Variants in PTPRJ observed in about 807,000 individuals in gnomAD.
PTPRJ encodes receptor-type tyrosine-protein phosphatase eta.
PTPRJ carries 129 observed loss-of-function variants against 141.3 expected under a neutral mutation model. That is an observed-to-expected ratio of 0.91 (90% confidence interval 0.79 to 1.06). PTPRJ has a LOEUF of 1.06. Among genes scored for constraint, PTPRJ ranks in the 50% least tolerant of loss-of-function variants. The pLI, the probability that PTPRJ is intolerant of heterozygous loss-of-function variation, is 0.00. For synonymous variants in PTPRJ, 610 were observed against 640.5 expected, an observed-to-expected ratio of 0.95 and a Z score of 0.72; for missense variants, 1,601 against 1,679.7, an observed-to-expected ratio of 0.95 and a Z score of 0.82.
chr11:48,131,466 A>G, intron 8 of PTPRJ: 1 of 769,616 alleles, frequency 1.3e-6, no homozygotes. Context: ...CCAACTTGCC[A>G]ATTAATTATG....
chr11:48,024,680 A>C (rs1853757688), intron 1 of PTPRJ, among the ~76,000 whole-genome samples: 2 of 152,232 alleles, frequency 1.3e-5, no homozygotes, highest in South Asian at 2.1e-4. Flanking sequence ...CTGCTGCCTC[A>C]TTGACTAGCT....
intron 7 of PTPRJ, among the ~76,000 whole-genome samples, chr11:48,128,471 C>T (rs560094477): frequency 6.6e-6 from 1 of 152,280 alleles, no homozygotes; most frequent in East Asian, 1.9e-4. Context: ...ACAGCTGTAT[C>T]TCATCTTTGT....
chr11:48,002,770 CAG>C (rs1854532857), intron 1 of PTPRJ, among the ~76,000 whole-genome samples: 1 of 152,118 alleles, frequency 6.6e-6, no homozygotes, highest in African/African-American at 2.4e-5. Flanking sequence ...TTTTGATAAA[CAG>C]AAGAATGAGC....
intron 1 of PTPRJ, among the ~76,000 whole-genome samples, chr11:48,063,333 C>A (rs1854991083): frequency 6.6e-6 from 1 of 152,042 alleles, no homozygotes; most frequent in South Asian, 2.1e-4. Flanking sequence ...ATCTCAAAAA[C>A]AACAACAACA....
At chr11:48,163,668 T>C in intron 23 of PTPRJ, 50 bp downstream of exon 23, 1 of 1,549,360 alleles carries the variant, frequency 6.5e-7, no homozygotes, top group Non-Finnish European at 8.9e-7. Context: ...TCATTATATA[T>C]TTATGAGCAC....
intron 1 of PTPRJ, among the ~76,000 whole-genome samples, chr11:48,083,954 T>A (rs79805483): frequency 0.02 from 3,096 of 152,270 alleles, 37 homozygotes; most frequent in Non-Finnish European, 0.031. Flanking sequence ...TGTATGCAAA[T>A]CTCAGTGAAC....
chr11:48,040,848 C>T (rs763015351), intron 1 of PTPRJ, among the ~76,000 whole-genome samples: 2 of 152,044 alleles, frequency 1.3e-5, no homozygotes, highest in South Asian at 2.1e-4. Context: ...GTGATCTGCC[C>T]GCCTCGGCCT....
At chr11:48,076,438 G>T (rs113609071) in intron 1 of PTPRJ, among the ~76,000 whole-genome samples, 1 of 152,154 alleles carries the variant, frequency 6.6e-6, no homozygotes, top group African/African-American at 2.4e-5. Context: ...AATCAAGTTG[G>T]TCTGGAGTTA....
At chr11:48,049,491 A>G (rs1854496036) in intron 1 of PTPRJ, among the ~76,000 whole-genome samples, 1 of 151,688 alleles carries the variant, frequency 6.6e-6, no homozygotes, top group Admixed American at 6.6e-5. Context: ...CAGCCTGGCC[A>G]ATGCGGTGAA....
chr11:47,987,299 T>C (rs1008655158), intron 1 of PTPRJ, among the ~76,000 whole-genome samples: 5 of 151,954 alleles, frequency 3.3e-5, no homozygotes, highest in Non-Finnish European at 7.4e-5. Context: ...TCGAATGAGG[T>C]GAAAAGTGGT....
At chr11:47,997,348 C>G (rs1464028604) in intron 1 of PTPRJ, among the ~76,000 whole-genome samples, 1 of 152,262 alleles carries the variant, frequency 6.6e-6, no homozygotes. Flanking sequence ...CTCTCATTCT[C>G]ATGGGATTGG....
chr11:47,981,321 T>A (rs1419264696), intron 1 of PTPRJ, among the ~76,000 whole-genome samples: 3 of 152,036 alleles, frequency 2.0e-5, no homozygotes, highest in Non-Finnish European at 1.5e-5. Context: ...TGGGCACATC[T>A]GGCGGGCACG....
At chr11:47,983,286 G>C (rs1853961240) in intron 1 of PTPRJ, among the ~76,000 whole-genome samples, 1 of 152,102 alleles carries the variant, frequency 6.6e-6, no homozygotes, top group Non-Finnish European at 1.5e-5. Context: ...ATTTTTCAAA[G>C]TTGAATCAAT....
At chr11:48,089,805 G>T (rs1179622485) in intron 1 of PTPRJ, among the ~76,000 whole-genome samples, 1 of 152,198 alleles carries the variant, frequency 6.6e-6, no homozygotes, top group Non-Finnish European at 1.5e-5. Context: ...GTAAGGTAGA[G>T]TGGGCTCCTG....
At position 48,169,860 on chromosome 11, in the gene PTPRJ, T is replaced by A. The variant is rs1858014648; in HGVS notation, c.*2498T>A. The A allele has an allele frequency of 6.6e-6, 1 of 152,000 alleles. No homozygotes were observed. 9.4% of individuals were successfully genotyped at this position (152,000 alleles called of 1,614,324 possible). A position where few individuals can be genotyped will look rare whatever the true frequency, so the allele number is the denominator to read the frequency against. ...GGGAGGAACTCTTGCGGGGGAGCGG[T>A]CTGGGATTCCAAATGGGCAGGTCAC... On this transcript the variant is annotated 3_prime_UTR_variant, in exon 25 of 25. Transcript: ENST00000418331.
intron 1 of PTPRJ, among the ~76,000 whole-genome samples, chr11:48,059,106 G>C (rs61914725): frequency 0.047 from 6,193 of 131,418 alleles, 356 homozygotes; most frequent in African/African-American, 0.12. Context: ...CTACTGTGCT[G>C]TGCCTTTTTT....
In PTPRJ at chr11:48,136,186, A is replaced by G; in HGVS notation, c.1763A>G (p.Asp588Gly). The change falls in exon 9 of 25, where the codon GAC (aspartate) becomes GGC (glycine). Residue 588 changes from aspartate to glycine, a missense_variant. Coordinates refer to ENST00000418331, the MANE Select transcript of PTPRJ (RefSeq NM_002843.4). ...GGCTCTAACCACACAAGCACGTATG[A>G]CAAAGCGATTACTCTCCAGGGCCTG... Reference protein sequence around the residue: ...KHGSNHTSTYDKAITLQGLIP... With the variant: ...KHGSNHTSTYGKAITLQGLIP... The G allele has an allele frequency of 6.2e-7, 1 of 1,614,238 alleles. No homozygotes were observed. The highest frequency in any genetic ancestry group is 1.3e-5 in the African/African-American group (1 of 75,058).
chr11:48,014,869 A>AT (rs1302128131), intron 1 of PTPRJ, among the ~76,000 whole-genome samples: 1 of 151,964 alleles, frequency 6.6e-6, no homozygotes, highest in Non-Finnish European at 1.5e-5. Context: ...TGCCCGGCTA[A>AT]TTTTTTTGTA....
intron 8 of PTPRJ, chr11:48,131,766 G>T: frequency 2.3e-6 from 1 of 427,790 alleles, no homozygotes; most frequent in Non-Finnish European, 4.1e-6. Context: ...GCTGACCTCT[G>T]GGCTAGATCA....
Sources: gnomAD v4.1 joint callset for allele counts (sites outside exome capture counted in the v4.1 genomes callset) on GRCh38, gnomAD v4.1.1 for gene constraint, MANE v1.5 for transcripts, NCBI Gene and HGNC (gene_info 2026-07-23, HGNC 2026-07-21) for gene names.